The following PFAS variants were observed in gnomAD, a reference collection of about 807,000 sequenced individuals.
PFAS encodes FGAM synthase.
PFAS carries 97 observed loss-of-function variants against 140.6 expected under a neutral mutation model. The ratio of observed to expected loss-of-function variants is 0.69; its 90% CI spans 0.59 to 0.82. PFAS has a LOEUF of 0.82. Ranked by LOEUF, PFAS falls within the 40% of genes least tolerant of loss-of-function variation. The probability of loss-of-function intolerance (pLI) is 0.00; values close to 1 mark genes in which losing one functional copy is unlikely to be tolerated. For missense variants in PFAS, 1,656 were observed against 1,780.2 expected, an observed-to-expected ratio of 0.93 and a Z score of 1.26; for synonymous variants, 679 against 718.8, an observed-to-expected ratio of 0.94 and a Z score of 0.88.
At chr17:8,248,085 TG>T, upstream of PFAS, 1 of 121,166 alleles carries the variant, frequency 8.3e-6, no homozygotes, top group Non-Finnish European at 1.7e-5. Context: ...CGCTTGGGGG[TG>T]GGGATGGGGG....
chr17:8,249,105 A>T (rs1989015265), upstream of PFAS, among the ~76,000 whole-genome samples: 1 of 152,036 alleles, frequency 6.6e-6, no homozygotes, highest in African/African-American at 2.4e-5. Context: ...GGGGACGGGG[A>T]ACTGAATGTA....
chr17:8,263,335 T>C (rs1028572455), intron 13 of PFAS, 70 bp downstream of exon 13: 1 of 1,533,110 alleles, frequency 6.5e-7, no homozygotes, highest in East Asian at 2.3e-5. Flanking sequence ...TAGGGAGAGG[T>C]ATCAGGAATC....
chr17:8,259,748 A>G (rs1266101255), intron 11 of PFAS, among the ~76,000 whole-genome samples: 1 of 152,112 alleles, frequency 6.6e-6, no homozygotes, highest in African/African-American at 2.4e-5. Flanking sequence ...TGATCATACC[A>G]CTGCACTCCA....
rs201882489 is a variant in PFAS, at chr17:8,255,131, C to T, written c.383C>T (p.Ser128Leu). 3.9e-5 allele frequency: 63 copies of T among 1,603,168 alleles called. 1 individual carries two copies. The East Asian group carries it at 9.8e-4, about 25-fold the overall frequency. The change falls in exon 4 of 28, where the codon TCG becomes TTG. Residue 128 changes from serine to leucine, a missense_variant and splice_region_variant. This residue lies in a region of PFAS where 773 missense variants were observed against 757.3 expected (regional missense o/e 1.02). Coordinates refer to ENST00000314666, the MANE Select transcript of PFAS (RefSeq NM_012393.3). ...RVETTRRYRL[S>L]FAHPPSAEVE... is the part of the protein sequence containing the mutation. ...GAGACCACCCGGCGCTACCGGCTCT[C>T]GGTGAGGTGATGGGGAATCAGGAGG...
chr17:8,258,830 TA>T (rs1214017422), intron 11 of PFAS, among the ~76,000 whole-genome samples: 1 of 151,414 alleles, frequency 6.6e-6, no homozygotes, highest in Non-Finnish European at 1.5e-5. Flanking sequence ...ACTAAAAAAA[TA>T]AAAAAATTAG....
Position 8,254,303 on chromosome 17 carries a change from T to G in PFAS, c.278+2T>G, listed in dbSNP as rs780013334. 1 of 1,613,940 alleles carries G rather than the reference T, an allele frequency of 6.2e-7. No individual in the cohort carries two copies. Among genetic ancestry groups the G allele is most frequent in the East Asian group, 2.2e-5 (1 of 44,886 alleles). On this transcript the variant is annotated splice_donor_variant, in intron 3 of 27. Transcript: ENST00000314666. LOFTEE classifies it high-confidence loss of function. ...CCTGCTGCTGGAGGTCGGGCCCAGG[T>G]AAGTATCTCATCCTGCCCACCCCTT...
intron 1 of PFAS, among the ~76,000 whole-genome samples, chr17:8,252,313 A>G (rs1989187329): frequency 6.6e-6 from 1 of 152,076 alleles, no homozygotes; most frequent in Non-Finnish European, 1.5e-5. Flanking sequence ...AAAAGAAAAT[A>G]AATAAATAAA....
At chr17:8,263,661 A>C in intron 14 of PFAS, 25 bp downstream of exon 14, 1 of 1,610,564 alleles carries the variant, frequency 6.2e-7, no homozygotes, top group South Asian at 1.1e-5. Flanking sequence ...CTGAAGTGTG[A>C]CATTTTCCCA....
At chr17:8,257,372 C>A (rs763134340) in intron 9 of PFAS, among the ~76,000 whole-genome samples, 1 of 152,016 alleles carries the variant, frequency 6.6e-6, no homozygotes, top group Admixed American at 6.6e-5. Context: ...CTGGCTAACA[C>A]GGTGAAACCC....
chr17:8,259,369 C>T (rs1328220990), intron 11 of PFAS, among the ~76,000 whole-genome samples: 2 of 152,134 alleles, frequency 1.3e-5, no homozygotes, highest in African/African-American at 2.4e-5. Flanking sequence ...CTCCTGGGCT[C>T]AAGCAGTTCT....
In PFAS at chr17:8,264,867, C is replaced by T. The variant is rs773299059; in HGVS notation, c.2050-28C>T. 2.7e-6 allele frequency: 4 copies of T among 1,475,890 alleles called. No individual in the cohort carries two copies. In the South Asian group the frequency reaches 3.7e-5, roughly 14 times the overall value. The allele number at this position is 1,475,890 out of a possible 1,614,324, so 91.4% of individuals were successfully genotyped here. On this transcript the variant is annotated intron_variant, in intron 17 of 27. Coordinates refer to ENST00000314666, the MANE Select transcript of PFAS (RefSeq NM_012393.3). The stretch of plus-strand genomic sequence containing the variant: ...GCTCAGGCTGTCCCTGTCCCTTGCT[C>T]TCTTGCTAACCCCACCTGGTTCCAC...
Position 8,266,268 on chromosome 17 carries a change from C to T in PFAS, c.2736C>T (p.Asp912=), listed in dbSNP as rs770424126. The T allele has an allele frequency of 3.1e-5, 50 of 1,614,072 alleles. No homozygotes were observed. Among genetic ancestry groups the T allele is most frequent in the East Asian group, 1.1e-4 (5 of 44,876 alleles). Residue 912 remains aspartate, a synonymous_variant, in exon 22 of 28, where the codon GAC becomes GAT. Coordinates refer to ENST00000314666, the MANE Select transcript of PFAS (RefSeq NM_012393.3). This position sits in a 1 kb window ranked among gnomAD's most constrained non-coding sequence, Gnocchi z 5.0. The part of the protein sequence containing the change: ...RLLCSGHDVS[D]GGLVTCLLEM... Reference sequence around the variant, plus strand: ...TCTGCTCAGGCCACGATGTCAGTGACGGAGGCCTCGTCACATGCCTGCTGG... The same window carrying T: ...TCTGCTCAGGCCACGATGTCAGTGATGGAGGCCTCGTCACATGCCTGCTGG...
Position 8,264,228 on chromosome 17 carries a change from A to C in PFAS, c.1808A>C (p.Asp603Ala). ...TGDRRIVLVD[D>A]RECPVRRNGQ... The stretch of plus-strand genomic sequence containing the variant: ...GGTCTATAGATAGTGCTGGTGGACG[A>C]TCGGGAGTGTCCTGTCAGAAGAAAT... Residue 603 changes from aspartate to alanine, a missense_variant, in exon 16 of 28, where the codon GAT becomes GCT. By Grantham distance (126) the Asp-to-Ala change is moderately radical. This residue lies in a region of PFAS where 883 missense variants were observed against 1,023.0 expected (regional missense o/e 0.86). Transcript: ENST00000314666. 1 of 1,614,048 alleles carries C rather than the reference A, an allele frequency of 6.2e-7. No individual in the cohort carries two copies. The highest frequency in any genetic ancestry group is 8.5e-7 in the Non-Finnish European group (1 of 1,179,980).
At chr17:8,258,668 C>T (rs1989470402) in intron 11 of PFAS, among the ~76,000 whole-genome samples, 1 of 152,070 alleles carries the variant, frequency 6.6e-6, no homozygotes, top group African/African-American at 2.4e-5. Flanking sequence ...TGCTGAAACC[C>T]TGTTGCTACT....
Position 8,267,307 on chromosome 17 carries a change from A to G in PFAS, c.3176-65A>G, listed in dbSNP as rs1989858132. ...TGGATGCCTGGGCCTGCCCTCAGAA[A>G]GGTGTCTGGGGAGTTGGGGTGGGGA... On this transcript the variant is annotated intron_variant, in intron 24 of 27. Coordinates refer to ENST00000314666, the MANE Select transcript of PFAS (RefSeq NM_012393.3). The surrounding 1 kb of genome is among the most constrained non-coding windows in gnomAD (Gnocchi z 4.9). 13 of 1,590,500 alleles carry G rather than the reference A, an allele frequency of 8.2e-6. 1 individual carries two copies. Among genetic ancestry groups the G allele is most frequent in the Middle Eastern group, 3.3e-4 (2 of 6,016 alleles).
At position 8,268,824 on chromosome 17, in the gene PFAS, C is replaced by T. The variant is rs1219816701; in HGVS notation, c.3674C>T (p.Ala1225Val). The T allele has an allele frequency of 4.4e-6, 7 of 1,607,552 alleles. No individual in the cohort carries two copies. The highest frequency in any genetic ancestry group is 3.3e-5 in the Admixed American group (2 of 59,982). ...CTGATGCTGCGAGGGATGGAGGGCG[C>T]CGTGCTGCCCGTGTGGAGTGCGCAC... ...PALMLRGMEG[A>V]VLPVWSAHGE... Residue 1225 changes from alanine to valine, a missense_variant, in exon 27 of 28, where the codon GCC (alanine) becomes GTC (valine). Transcript: ENST00000314666.
intron 1 of PFAS, among the ~76,000 whole-genome samples, chr17:8,252,173 A>C (rs537556605): frequency 6.6e-6 from 1 of 151,422 alleles, no homozygotes; most frequent in Non-Finnish European, 1.5e-5. Flanking sequence ...GCATGCCTGT[A>C]ATCTCAGCTA....
rs2151599145 is a variant in PFAS, at chr17:8,269,129, C to T, written c.3882C>T (p.Val1294=). The T allele has an allele frequency of 1.9e-6, 3 of 1,614,048 alleles. No individual in the cohort carries two copies. The highest frequency in any genetic ancestry group is 2.5e-6 in the Non-Finnish European group (3 of 1,180,028). The change falls in exon 28 of 28, where the codon GTC becomes GTT. Residue 1294 remains valine, a synonymous_variant. Coordinates refer to ENST00000314666, the MANE Select transcript of PFAS (RefSeq NM_012393.3). ...CCTGTGATGGCCGCCACCTGGCTGT[C>T]ATGCCTCACCCTGAGCGGGCCGTTA... ...ICSCDGRHLA[V]MPHPERAVRP...
intron 11 of PFAS, among the ~76,000 whole-genome samples, chr17:8,260,085 A>C (rs1453268894): frequency 6.6e-6 from 1 of 151,250 alleles, no homozygotes. Context: ...TGGACGTAAG[A>C]GTGAGACTCT....
Sources: gnomAD v4.1 joint callset for allele counts (sites outside exome capture counted in the v4.1 genomes callset) on GRCh38, gnomAD v4.1.1 for gene constraint, gnomAD v4.1.1 regional missense constraint, Gnocchi (gnomAD v3.1) non-coding constraint, MANE v1.5 for transcripts, NCBI Gene and HGNC (gene_info 2026-07-23, HGNC 2026-07-21) for gene names.